The following SLC6A18 variants were observed in gnomAD, a reference collection of about 807,000 sequenced individuals.
SLC6A18 encodes the protein inactive sodium-dependent neutral amino acid transporter B(0)AT3.
Under a neutral mutation model 62.9 loss-of-function variants are expected in SLC6A18, and 58 were observed. The observed-to-expected ratio is 0.92, with a 90% CI of 0.75 to 1.15. The LOEUF is 1.15. Ranked by LOEUF, SLC6A18 falls within the 50% of genes most tolerant of loss-of-function variation. SLC6A18 has a pLI of 0.00. For missense variants in SLC6A18, 793 were observed against 836.6 expected (o/e 0.95, Z 0.64); for synonymous variants, 382 against 365.8 (o/e 1.04, Z -0.51).
rs1746940113 is a variant in SLC6A18 at position 1,238,235 on chromosome 5, T to TCAGGTTTGGAGTGGGCCTGGGGCCTC, written c.732+175_732+176insCAGGTTTGGAGTGGGCCTGGGGCCTC. 3.1e-4 allele frequency among the ~76,000 whole-genome samples: 26 copies of TCAGGTTTGGAGTGGGCCTGGGGCCTC among 84,940 alleles called. 1 individual carries two copies. The highest frequency in any genetic ancestry group is 5.0e-4 in the Non-Finnish European group (18 of 36,336). 55.7% of individuals were successfully genotyped at this position (84,940 alleles called of 152,430 possible). A position where few individuals can be genotyped will look rare whatever the true frequency, so the allele number is the denominator to read the frequency against. On this transcript the variant is annotated intron_variant, in intron 5 of 11. Coordinates refer to ENST00000324642, the MANE Select transcript of SLC6A18 (RefSeq NM_182632.3). ...GGATGGCGTGGCGGGAGGGGGGCCT[T>TCAGGTTTGGAGTGGGCCTGGGGCCTC]AGGAAAGAGGTCAGGTTTGGAGTGA...
At chr5:1,242,542 T>C (rs6885566) in intron 7 of SLC6A18, among the ~76,000 whole-genome samples, 165 bp from the exon 8 acceptor site, 5 of 149,486 alleles carry the variant, frequency 3.3e-5, no homozygotes, top group South Asian at 2.1e-4. Context: ...GCAGGAGGCG[T>C]CCACACGATC....
In SLC6A18 at chr5:1,233,761, A is replaced by T. The variant is rs1397565926; in HGVS notation, c.439+873A>T. 5.1e-5 allele frequency among the ~76,000 whole-genome samples: 4 copies of T among 78,812 alleles called. No homozygotes were observed. The East Asian group carries it at 6.3e-4, about 13-fold the overall frequency. The allele number at this position is 78,812 out of a possible 152,430, so 51.7% of individuals were successfully genotyped here. A position where few individuals can be genotyped will look rare whatever the true frequency, so the allele number is the denominator to read the frequency against. On this transcript the variant is annotated intron_variant, in intron 3 of 11. Transcript: ENST00000324642. ...CCACACTCAGCTAATTTTTTTTTTGAGACGGAGTCTTGCTCTGTCGCCCAG... is the reference window on the plus strand; with the variant it reads ...CCACACTCAGCTAATTTTTTTTTTGTGACGGAGTCTTGCTCTGTCGCCCAG...
Position 1,232,340 on chromosome 5 carries a change from C to T in SLC6A18, c.282C>T (p.Ser94=), listed in dbSNP as rs370438365. Residue 94 remains serine (S), a synonymous_variant, in exon 2 of 12, where the codon TCC becomes TCT. Coordinates refer to ENST00000324642, the MANE Select transcript of SLC6A18 (RefSeq NM_182632.3). ...KGSVGVWTAI[S]PYLSGVGLGC... ...GCGTCGGCGTGTGGACGGCCATCTCCCCGTACCTCAGTGGAGTAGGTAGGC... is the reference window on the plus strand; with the variant it reads ...GCGTCGGCGTGTGGACGGCCATCTCTCCGTACCTCAGTGGAGTAGGTAGGC... 4.1e-5 allele frequency: 66 copies of T among 1,611,312 alleles called. No individual in the cohort carries two copies. The highest frequency in any genetic ancestry group is 5.1e-5 in the Non-Finnish European group (60 of 1,179,664).
chr5:1,245,856 C>G lies in SLC6A18; in HGVS notation c.1665C>G (p.Phe555Leu). 6.2e-7 allele frequency: 1 copy of G among 1,607,272 alleles called. No homozygotes were observed. Among genetic ancestry groups the G allele is most frequent in the Non-Finnish European group, 8.5e-7 (1 of 1,178,240 alleles). The change falls in exon 12 of 12, where the codon TTC (phenylalanine) becomes TTG (leucine). Residue 555 changes from phenylalanine (F) to leucine (L), a missense_variant. Physicochemically the swap from Phe to Leu is conservative, Grantham distance 22. Transcript: ENST00000324642. Reference protein sequence around the residue: ...YKAWNPKYELFPSRQEKLYPG... With the variant: ...YKAWNPKYELLPSRQEKLYPG... ...AGGCTGTGGTCCCGCAGGAGCTGTT[C>G]CCCTCGCGTCAGGAGAAGCTCTACC...
At chr5:1,228,674 G>GC (rs1746644256) in intron 1 of SLC6A18, among the ~76,000 whole-genome samples, 2 of 152,328 alleles carry the variant, frequency 1.3e-5, no homozygotes, top group Admixed American at 6.5e-5. Flanking sequence ...ACTAGGAGCT[G>GC]CAGCCTGGGC....
In SLC6A18 at chr5:1,243,615, G is replaced by A. The variant is rs1349955996; in HGVS notation, c.1192G>A (p.Gly398Arg). ...CACGGAGACCGACCTCCACATGCCG[G>A]GGGCTCCTGTGTGGGCCATGCTCTT... is the stretch of plus-strand genomic sequence containing the variant. ...VFTETDLHMP[G>R]APVWAMLFFG... The change falls in exon 9 of 12, where the codon GGG becomes AGG. Residue 398 changes from glycine to arginine, a missense_variant. Transcript: ENST00000324642. The surrounding 1 kb of genome is among the most constrained non-coding windows in gnomAD (Gnocchi z 6.5). The A allele has an allele frequency of 3.7e-6, 6 of 1,614,066 alleles. No homozygotes were observed. The highest frequency in any genetic ancestry group is 5.1e-6 in the Non-Finnish European group (6 of 1,179,998).
chr5:1,236,332 TA>T (rs1443189037), intron 4 of SLC6A18, among the ~76,000 whole-genome samples: 1 of 152,240 alleles, frequency 6.6e-6, no homozygotes, highest in Non-Finnish European at 1.5e-5. Flanking sequence ...CATTGCATTT[TA>T]TCCCATTTCC....
At chr5:1,244,836 C>T (rs2126543901) in intron 11 of SLC6A18, 69 bp downstream of exon 11, 1 of 1,508,534 alleles carries the variant, frequency 6.6e-7, no homozygotes, top group East Asian at 2.3e-5. Context: ...CCTACGGTGC[C>T]ATCCGGTGCC....
rs1420903331 is a variant in SLC6A18, at chr5:1,243,594, G to T, written c.1171G>T (p.Glu391Ter). 6.2e-7 allele frequency: 1 copy of T among 1,613,872 alleles called. No individual in the cohort carries two copies. Among genetic ancestry groups the T allele is most frequent in the African/African-American group, 1.3e-5 (1 of 74,934 alleles). The change falls in exon 9 of 12, where the codon GAG (glutamate) becomes TAG (stop). Residue 391 changes from glutamate (E) to a stop codon, truncating the protein, a stop_gained. Coordinates refer to ENST00000324642, the MANE Select transcript of SLC6A18 (RefSeq NM_182632.3). LOFTEE classifies it high-confidence loss of function. This position sits in a 1 kb window ranked among gnomAD's most constrained non-coding sequence, Gnocchi z 6.5. ...GGGCCTGGCCTTCGTCGTCTTCACG[G>T]AGACCGACCTCCACATGCCGGGGGC... ...GPGLAFVVFT[E>*]TDLHMPGAPV... is the part of the protein sequence containing the mutation.
chr5:1,238,704 A>G (rs1746967613), intron 5 of SLC6A18, among the ~76,000 whole-genome samples: 1 of 152,104 alleles, frequency 6.6e-6, no homozygotes, highest in South Asian at 2.1e-4. Context: ...GGGCAGGTGG[A>G]CTTTGGCACC....
intron 1 of SLC6A18, 47 bp from the exon 2 acceptor site, chr5:1,232,172 C>A: frequency 1.3e-6 from 2 of 1,576,956 alleles, no homozygotes; most frequent in South Asian, 1.1e-5. Flanking sequence ...CCACAGTCCC[C>A]CCCAGCCCCC....
rs114381480 is a variant in SLC6A18 at position 1,234,676 on chromosome 5, C to T, written c.440-805C>T. ...AGGAAAATTTCCGAAGAAAAGGGCCCGGAGGGGCCAGCTCTGCCCATGCCC... is the reference window on the plus strand; with the variant it reads ...AGGAAAATTTCCGAAGAAAAGGGCCTGGAGGGGCCAGCTCTGCCCATGCCC... On this transcript the variant is annotated intron_variant, in intron 3 of 11. Coordinates refer to ENST00000324642, the MANE Select transcript of SLC6A18 (RefSeq NM_182632.3). 3.7e-3 allele frequency among the ~76,000 whole-genome samples: 558 copies of T among 152,324 alleles called. 1 individual carries two copies. Among genetic ancestry groups the T allele is most frequent in the African/African-American group, 0.013 (525 of 41,574 alleles).
chr5:1,227,141 C>T (rs1292479091), intron 1 of SLC6A18, among the ~76,000 whole-genome samples: 15 of 150,550 alleles, frequency 1.0e-4, no homozygotes, highest in East Asian at 2.0e-4. Flanking sequence ...ATGCCTTGCC[C>T]GCCGATGACT....
At chr5:1,238,953 G>A (rs1746974522) in intron 5 of SLC6A18, among the ~76,000 whole-genome samples, 1 of 152,336 alleles carries the variant, frequency 6.6e-6, no homozygotes, top group Admixed American at 6.5e-5. Flanking sequence ...AGCATCCCGA[G>A]GCAGTTTCCA....
In SLC6A18 at chr5:1,232,484, G is replaced by A. The variant is rs1341720475; in HGVS notation, c.301+125G>A. 1.5e-5 allele frequency: 20 copies of A among 1,325,992 alleles called. No homozygotes were observed. In the South Asian group the frequency reaches 2.9e-4, roughly 19 times the overall value. The allele number at this position is 1,325,992 out of a possible 1,614,324, so 82.1% of individuals were successfully genotyped here. On this transcript the variant is annotated intron_variant, in intron 2 of 11. Coordinates refer to ENST00000324642, the MANE Select transcript of SLC6A18 (RefSeq NM_182632.3). ...AGCGGCCAGGCCAGGCCGGCGGGTG[G>A]GGTGGCAGGGAGCCCTTGGGTGTGT...
At chr5:1,236,846 G>T (rs565731101) in intron 4 of SLC6A18, among the ~76,000 whole-genome samples, 2 of 152,260 alleles carry the variant, frequency 1.3e-5, no homozygotes, top group African/African-American at 4.8e-5. Flanking sequence ...TACATGGAGG[G>T]TGGGGGTCTT....
At chr5:1,230,391 C>A (rs115473665) in intron 1 of SLC6A18, among the ~76,000 whole-genome samples, 1,826 of 152,274 alleles carry the variant, frequency 0.012, 36 homozygotes, top group African/African-American at 0.042. Context: ...TGTTCCCACC[C>A]TCCCAGGAGG....
chr5:1,240,749 G>T, intron 7 of SLC6A18, 90 bp downstream of exon 7: 1 of 1,558,078 alleles, frequency 6.4e-7, no homozygotes, highest in South Asian at 1.1e-5. Context: ...GAGGAAGGGT[G>T]GCGTGGGCAC....
chr5:1,231,707 C>A (rs904989239), intron 1 of SLC6A18, among the ~76,000 whole-genome samples: 4 of 152,218 alleles, frequency 2.6e-5, no homozygotes, highest in Admixed American at 6.5e-5. Flanking sequence ...TCAGTCAGCA[C>A]TTTATTTCTG....
Sources: gnomAD v4.1 joint callset for allele counts (sites outside exome capture counted in the v4.1 genomes callset) on GRCh38, gnomAD v4.1.1 for gene constraint, Gnocchi (gnomAD v3.1) non-coding constraint, MANE v1.5 for transcripts, NCBI Gene and HGNC (gene_info 2026-07-23, HGNC 2026-07-21) for gene names.